The following TLN2 variants were observed in gnomAD, a reference collection of about 807,000 sequenced individuals.
TLN2 encodes talin-2.
A neutral mutation model predicts 294.7 loss-of-function variants in TLN2; 118 were observed. That is an observed-to-expected ratio of 0.40 (90% CI 0.34 to 0.47). The LOEUF is 0.47. TLN2 is among the 20% of genes least tolerant of loss of function. The pLI, the probability that TLN2 is intolerant of heterozygous loss-of-function variation, is 0.84. For missense variants in TLN2, 3,083 were observed against 3,282.2 expected, an observed-to-expected ratio of 0.94 and a Z score of 1.48; for synonymous variants, 1,431 against 1,304.5, an observed-to-expected ratio of 1.10 and a Z score of -2.09.
intron 33 of TLN2, among the ~76,000 whole-genome samples, chr15:62,749,707 G>T (rs1348445211): frequency 6.6e-6 from 1 of 152,144 alleles, no homozygotes; most frequent in Non-Finnish European, 1.5e-5. Context: ...ACTCTCTGGG[G>T]AGGAGGTTAA....
chr15:62,774,039 C>T lies in TLN2; in HGVS notation c.5368-2725C>T, dbSNP rs541799272. 5.9e-5 allele frequency among the ~76,000 whole-genome samples: 9 copies of T among 152,264 alleles called. No individual in the cohort carries two copies. The South Asian group carries it at 8.3e-4, about 14-fold the overall frequency. ...CCCCACCCCGCCCAATTCCCTTCTGCGGCATCCTTGATGGGCCACCACAGA... is the reference window on the plus strand; with the variant it reads ...CCCCACCCCGCCCAATTCCCTTCTGTGGCATCCTTGATGGGCCACCACAGA... On this transcript the variant is annotated intron_variant, in intron 42 of 58. Transcript: ENST00000636159.
At chr15:62,632,357 C>A (rs2049983180) in intron 3 of TLN2, among the ~76,000 whole-genome samples, 1 of 152,216 alleles carries the variant, frequency 6.6e-6, no homozygotes, top group African/African-American at 2.4e-5. Context: ...CTCCTAACGA[C>A]CTGAACCCTT....
At chr15:62,642,319 A>G (rs1185100443) in intron 3 of TLN2, among the ~76,000 whole-genome samples, 1 of 152,256 alleles carries the variant, frequency 6.6e-6, no homozygotes, top group African/African-American at 2.4e-5. Context: ...AAGGGATTAG[A>G]CTATAACAAC....
In TLN2 at chr15:62,840,682, CT is replaced by C; in HGVS notation, c.*73del. ...CTGGACAGACAGTGTTCCTGAGAGG[CT>C]GGGCACTTAGCTGGAAACCGCCCAC... On this transcript the variant is annotated 3_prime_UTR_variant, in exon 59 of 59. Transcript: ENST00000636159. The C allele has an allele frequency of 6.5e-7, 1 of 1,547,274 alleles. No homozygotes were observed. Among genetic ancestry groups the C allele is most frequent in the Admixed American group, 2.0e-5 (1 of 49,240 alleles).
At position 62,454,565 on chromosome 15, in the gene TLN2, A is replaced by G. The variant is rs60683672; in HGVS notation, c.-238+63880A>G. ...TCATTAGGGGTGGGATGTCTGGCAGATGCCTTAGAGCAAGTGTATCAAGAA... is the reference window on the plus strand; with the variant it reads ...TCATTAGGGGTGGGATGTCTGGCAGGTGCCTTAGAGCAAGTGTATCAAGAA... On this transcript the variant is annotated intron_variant, in intron 1 of 58. Transcript: ENST00000636159. 8.4e-3 allele frequency among the ~76,000 whole-genome samples: 1,281 copies of G among 152,240 alleles called. 19 individuals are homozygous for G. The highest frequency in any genetic ancestry group is 0.028 in the African/African-American group (1,172 of 41,538).
intron 28 of TLN2, among the ~76,000 whole-genome samples, chr15:62,729,364 A>T (rs780723981): frequency 5.9e-5 from 9 of 152,184 alleles, no homozygotes; most frequent in Admixed American, 2.0e-4. Context: ...CAGCTTGTCA[A>T]TTCCTACAAA....
chr15:62,427,950 T>C (rs2034807639), intron 1 of TLN2, among the ~76,000 whole-genome samples: 2 of 152,200 alleles, frequency 1.3e-5, no homozygotes, highest in Non-Finnish European at 2.9e-5. Flanking sequence ...GAGGGACTTA[T>C]GTGAGGTATA....
intron 28 of TLN2, among the ~76,000 whole-genome samples, chr15:62,727,986 A>G (rs543841664): frequency 1.3e-5 from 2 of 152,274 alleles, no homozygotes; most frequent in East Asian, 3.9e-4. Context: ...TCAAAGTATA[A>G]TATATGCACA....
intron 1 of TLN2, among the ~76,000 whole-genome samples, chr15:62,550,432 T>C (rs1168880262): frequency 6.6e-6 from 1 of 152,210 alleles, no homozygotes; most frequent in Non-Finnish European, 1.5e-5. Context: ...ATCTTTGTTA[T>C]ATTAGCTCAG....
At chr15:62,708,249 C>T (rs1177472019) in intron 20 of TLN2, among the ~76,000 whole-genome samples, 1 of 152,144 alleles carries the variant, frequency 6.6e-6, no homozygotes, top group Non-Finnish European at 1.5e-5. Flanking sequence ...TGGACTGTCA[C>T]ATGTGACTAA....
chr15:62,696,802 A>G (rs944455042), intron 14 of TLN2, among the ~76,000 whole-genome samples: 3 of 152,216 alleles, frequency 2.0e-5, no homozygotes, highest in Non-Finnish European at 4.4e-5. Context: ...AAGGTTCCAA[A>G]GCCTCACATG....
chr15:62,487,909 T>A (rs59284760), intron 1 of TLN2, among the ~76,000 whole-genome samples: 22,296 of 149,782 alleles, frequency 0.15, 1,699 homozygotes, highest in Non-Finnish European at 0.18. Flanking sequence ...TCTCAAAAAA[T>A]AAATAAATAA....
At chr15:62,702,640 C>A in intron 18 of TLN2, 126 bp from the exon 19 acceptor site, 1 of 872,458 alleles carries the variant, frequency 1.1e-6, no homozygotes. Flanking sequence ...TGGCAGACCA[C>A]CTGAGATTCT....
At position 62,708,524 on chromosome 15, in the gene TLN2, C is replaced by T; in HGVS notation, c.2195C>T (p.Ser732Phe). Residue 732 changes from serine to phenylalanine, a missense_variant, in exon 21 of 59, where the codon TCC becomes TTC. Ser to Phe is a radical substitution (Grantham distance 155). Transcript: ENST00000636159. ...CAGGTTGTGAGCCCCACTATTAGCT[C>T]CCCTGTGTGCCAGGAGCAGCTGATT... ...CAKVVSPTIS[S>F]PVCQEQLIEA... 1 of 1,613,928 alleles carries T rather than the reference C, an allele frequency of 6.2e-7. No homozygotes were observed. Among genetic ancestry groups the T allele is most frequent in the Non-Finnish European group, 8.5e-7 (1 of 1,179,850 alleles).
intron 46 of TLN2, among the ~76,000 whole-genome samples, chr15:62,793,053 C>T (rs554472554): frequency 2.0e-5 from 3 of 152,328 alleles, no homozygotes; most frequent in Admixed American, 1.3e-4. Context: ...TGCAGGGCTT[C>T]CCCGTAGGCA....
chr15:62,787,298 A>T (rs1050567519), intron 45 of TLN2, among the ~76,000 whole-genome samples: 1 of 152,038 alleles, frequency 6.6e-6, no homozygotes, highest in Admixed American at 6.5e-5. Context: ...CTGGTTTCAG[A>T]TGTAGTTGTT....
At chr15:62,736,140 G>C (rs940570940) in intron 28 of TLN2, among the ~76,000 whole-genome samples, 1 of 152,010 alleles carries the variant, frequency 6.6e-6, no homozygotes, top group Admixed American at 6.6e-5. Flanking sequence ...GTGAAACCCC[G>C]TCTCTACTAA....
intron 1 of TLN2, among the ~76,000 whole-genome samples, chr15:62,523,750 A>G (rs2040586701): frequency 2.0e-5 from 3 of 152,256 alleles, no homozygotes; most frequent in Non-Finnish European, 4.4e-5. Flanking sequence ...TACATTTATG[A>G]AAAGTGACAG....
intron 9 of TLN2, among the ~76,000 whole-genome samples, chr15:62,662,084 A>T (rs1050309688): frequency 6.6e-6 from 1 of 152,148 alleles, no homozygotes; most frequent in Admixed American, 6.5e-5. Context: ...AAGATATTTA[A>T]AAGAAAGTAA....
Sources: allele counts gnomAD v4.1 joint callset (sites outside exome capture counted in the v4.1 genomes callset), GRCh38; gene constraint gnomAD v4.1.1; transcripts MANE v1.5; gene names NCBI Gene and HGNC (gene_info 2026-07-23, HGNC 2026-07-21).